ESRRG: variants seen among roughly 807,000 people sequenced by gnomAD.
ESRRG encodes the protein estrogen-related receptor gamma.
ESRRG carries 13 observed loss-of-function variants against 44.0 expected under a neutral mutation model. The ratio of observed to expected loss-of-function variants is 0.30; its 90% CI spans 0.19 to 0.47. The LOEUF is 0.47. Among genes scored for constraint, ESRRG ranks in the 20% least tolerant of loss-of-function variants. The pLI is 1.00. For synonymous variants in ESRRG, 215 were observed against 214.6 expected (o/e 1.00, Z -0.02); for missense variants, 395 against 580.6 (o/e 0.68, Z 3.29).
intron 1 of ESRRG, among the ~76,000 whole-genome samples, chr1:217,116,921 C>T (rs1011076203): frequency 6.6e-6 from 1 of 152,164 alleles, no homozygotes; most frequent in African/African-American, 2.4e-5. Flanking sequence ...CTGAAGACTC[C>T]TGGACAAATC....
intron 1 of ESRRG, among the ~76,000 whole-genome samples, chr1:216,700,124 CTT>C (rs11464355): frequency 6.8e-6 from 1 of 147,156 alleles, no homozygotes. Flanking sequence ...AGCCCCGCAC[CTT>C]TTTTTTTTTA....
chr1:217,038,935 C>T (rs561555863), intron 1 of ESRRG, among the ~76,000 whole-genome samples: 2 of 152,318 alleles, frequency 1.3e-5, no homozygotes, highest in South Asian at 4.1e-4. Flanking sequence ...CTCTTGAATG[C>T]TTTGCTGCTT....
chr1:216,507,246 A>G, intron 6 of ESRRG, 63 bp from the exon 7 acceptor site: 2 of 1,121,970 alleles, frequency 1.8e-6, no homozygotes, highest in Non-Finnish European at 2.5e-6. Context: ...TGTAGACTAG[A>G]GTTATAAAAT....
intron 2 of ESRRG, among the ~76,000 whole-genome samples, chr1:216,729,803 AT>A (rs2088345609): frequency 6.6e-6 from 1 of 152,106 alleles, no homozygotes; most frequent in African/African-American, 2.4e-5. Context: ...AATGCTGTTG[AT>A]TTTATTACTA....
At chr1:216,991,645 ATGGGATGGGATG>A in intron 1 of ESRRG, among the ~76,000 whole-genome samples, 2 of 113,168 alleles carry the variant, frequency 1.8e-5, no homozygotes, top group East Asian at 3.0e-4. Context: ...ATGGGATGGG[ATGGGATGGGATG>A]GGATGGGATG....
intron 1 of ESRRG, among the ~76,000 whole-genome samples, chr1:217,022,037 T>A (rs989315485): frequency 1.3e-5 from 2 of 152,308 alleles, no homozygotes; most frequent in Non-Finnish European, 2.9e-5. Flanking sequence ...ATTTCCTAAA[T>A]AGGGATATTA....
chr1:216,506,555 A>T lies in ESRRG; in HGVS notation c.*384T>A, dbSNP rs2041248809. On this transcript the variant is annotated 3_prime_UTR_variant, in exon 7 of 7. Coordinates refer to ENST00000408911, the MANE Select transcript of ESRRG (RefSeq NM_001438.4). ...TAAAGCTATTTCAAATTTAGAAAAA[A>T]GGGGAAGGATGAGAAAAGAGAGGAA... The T allele has an allele frequency of 2.3e-6, 1 of 436,694 alleles. No individual in the cohort carries two copies. Among genetic ancestry groups the T allele is most frequent in the Non-Finnish European group, 4.5e-6 (1 of 222,956 alleles). The allele number at this position is 436,694 out of a possible 1,614,324, so 27.1% of individuals were successfully genotyped here.
chr1:217,104,519 T>G (rs566820528), intron 1 of ESRRG, among the ~76,000 whole-genome samples: 12 of 152,288 alleles, frequency 7.9e-5, no homozygotes, highest in African/African-American at 2.2e-4. Flanking sequence ...TGAAGGTAAT[T>G]CCTGCCTCAG....
At chr1:216,948,130 G>A (rs2066358347) in intron 1 of ESRRG, among the ~76,000 whole-genome samples, 1 of 152,058 alleles carries the variant, frequency 6.6e-6, no homozygotes, top group African/African-American at 2.4e-5. Context: ...TCAAATATTT[G>A]GGAGTTTGTT....
intron 1 of ESRRG, among the ~76,000 whole-genome samples, chr1:216,940,571 G>C (rs79033283): frequency 6.6e-6 from 1 of 152,108 alleles, no homozygotes; most frequent in Non-Finnish European, 1.5e-5. Flanking sequence ...TTAAGTAAAA[G>C]ATGTGGAGAA....
intron 1 of ESRRG, among the ~76,000 whole-genome samples, chr1:217,052,063 ACT>A (rs927812233): frequency 6.6e-6 from 1 of 152,094 alleles, no homozygotes; most frequent in Non-Finnish European, 1.5e-5. Flanking sequence ...GAGCCACTAC[ACT>A]CAGCCTATTT....
rs201618241 is a variant in ESRRG, at chr1:216,809,325, TAAA to T, written c.-14+130254_-14+130256del. Among the ~76,000 whole-genome samples, 1,070 of 119,120 alleles carry T rather than the reference TAAA, an allele frequency of 9.0e-3. 13 individuals carry two copies. Among genetic ancestry groups the T allele is most frequent in the South Asian group, 0.014 (47 of 3,426 alleles). The allele number at this position is 119,120 out of a possible 152,430, so 78.1% of individuals were successfully genotyped here. A position where few individuals can be genotyped will look rare whatever the true frequency, so the allele number is the denominator to read the frequency against. On this transcript the variant is annotated intron_variant, in intron 2 of 7. Coordinates refer to the ESRRG transcript ENST00000359162. ...CAAGGGTCTGACTGCTTTTTTACAG[TAAA>T]AAAAAAAAAAAAAAAAAAACCCCAT... is the stretch of plus-strand genomic sequence containing the variant.
chr1:216,950,210 G>C (rs761463743), intron 1 of ESRRG, among the ~76,000 whole-genome samples: 2 of 152,172 alleles, frequency 1.3e-5, no homozygotes, highest in African/African-American at 4.8e-5. Flanking sequence ...AGAGAGCAAC[G>C]TGGTTTCTGG....
chr1:216,536,195 A>G (rs1030627137), intron 5 of ESRRG, among the ~76,000 whole-genome samples: 4 of 152,016 alleles, frequency 2.6e-5, no homozygotes, highest in Non-Finnish European at 5.9e-5. Context: ...ATCCATACAT[A>G]TCTATGGATG....
intron 2 of ESRRG, among the ~76,000 whole-genome samples, chr1:216,778,937 C>T (rs914101005): frequency 6.6e-6 from 1 of 150,634 alleles, no homozygotes; most frequent in African/African-American, 2.4e-5. Context: ...CACAGTGAAT[C>T]AGCAATGTTA....
intron 3 of ESRRG, among the ~76,000 whole-genome samples, chr1:216,607,673 A>AT (rs990684326): frequency 6.6e-6 from 1 of 152,126 alleles, no homozygotes; most frequent in Non-Finnish European, 1.5e-5. Context: ...CTCAGTGGCT[A>AT]TTTTTTACTG....
At chr1:216,778,097 C>G (rs761580570) in intron 2 of ESRRG, among the ~76,000 whole-genome samples, 14 of 152,108 alleles carry the variant, frequency 9.2e-5, no homozygotes, top group East Asian at 7.8e-4. Context: ...ACAGAGAAAC[C>G]TGTTGAAGCT....
At chr1:216,634,685 G>T (rs1324093596) in intron 3 of ESRRG, among the ~76,000 whole-genome samples, 1 of 152,144 alleles carries the variant, frequency 6.6e-6, no homozygotes, top group Non-Finnish European at 1.5e-5. Flanking sequence ...CTGCCCAGGG[G>T]GGACAGTCTC....
intron 2 of ESRRG, among the ~76,000 whole-genome samples, chr1:216,930,382 T>C (rs928914825): frequency 1.3e-5 from 2 of 152,152 alleles, no homozygotes; most frequent in Non-Finnish European, 2.9e-5. Context: ...ATTCCCCAGC[T>C]CACTTCCTTC....
Sources: allele counts gnomAD v4.1 joint callset (sites outside exome capture counted in the v4.1 genomes callset), GRCh38; gene constraint gnomAD v4.1.1; transcripts MANE v1.5; gene names NCBI Gene and HGNC (gene_info 2026-07-23, HGNC 2026-07-21).